Variants in ADGRL2 observed in about 807,000 individuals in gnomAD.
ADGRL2 encodes adhesion G protein-coupled receptor L2.
Under a neutral mutation model 157.4 loss-of-function variants are expected in ADGRL2, and 44 were observed. The observed-to-expected ratio is 0.28, with a 90% CI of 0.22 to 0.36. The LOEUF (loss-of-function observed/expected upper bound fraction) is 0.36, where lower values mean the gene tolerates loss of function less well. Ranked by LOEUF, ADGRL2 falls within the 10% of genes least tolerant of loss-of-function variation. ADGRL2 has a pLI of 1.00. For synonymous variants in ADGRL2, 585 were observed against 624.7 expected, an observed-to-expected ratio of 0.94 and a Z score of 0.95; for missense variants, 1,510 against 1,768.9, an observed-to-expected ratio of 0.85 and a Z score of 2.63.
At chr1:81,719,834 C>G (rs181375872) in intron 1 of ADGRL2, among the ~76,000 whole-genome samples, 50 of 152,164 alleles carry the variant, frequency 3.3e-4, no homozygotes, top group Admixed American at 1.5e-3. Context: ...TTGAACATCT[C>G]CTGCTGATTC....
intron 2 of ADGRL2, among the ~76,000 whole-genome samples, chr1:81,461,842 A>T (rs1029272264): frequency 1.3e-5 from 2 of 151,746 alleles, no homozygotes; most frequent in Admixed American, 1.3e-4. Flanking sequence ...CATGAAATGA[A>T]ACAAATTTAA....
At chr1:81,426,010 G>T (rs1430042698) in intron 1 of ADGRL2, among the ~76,000 whole-genome samples, 1 of 152,090 alleles carries the variant, frequency 6.6e-6, no homozygotes, top group Non-Finnish European at 1.5e-5. Context: ...GGGACTACAG[G>T]CATGCACCAC....
intron 1 of ADGRL2, among the ~76,000 whole-genome samples, chr1:81,333,945 T>C (rs192007392): frequency 7.0e-4 from 106 of 152,282 alleles, no homozygotes; most frequent in Admixed American, 2.5e-3. Flanking sequence ...TATTGGTAAC[T>C]TCATTCAATT....
At chr1:81,406,124 T>G (rs2076850054) in intron 1 of ADGRL2, among the ~76,000 whole-genome samples, 1 of 152,192 alleles carries the variant, frequency 6.6e-6, no homozygotes, top group Non-Finnish European at 1.5e-5. Context: ...AGGTACACTC[T>G]TAGCTGCAGT....
chr1:81,501,698 G>T (rs550217693), intron 2 of ADGRL2: 24 of 1,593,952 alleles, frequency 1.5e-5, no homozygotes, highest in Non-Finnish European at 2.0e-5. Flanking sequence ...CACAGGTTTA[G>T]ACCCAGTGTG....
At chr1:81,368,097 C>T (rs574018722) in intron 1 of ADGRL2, among the ~76,000 whole-genome samples, 9 of 152,244 alleles carry the variant, frequency 5.9e-5, no homozygotes, top group African/African-American at 1.9e-4. Flanking sequence ...TTTGAGGAAT[C>T]GCCACACTGT....
chr1:81,867,807 A>G (rs1055342456), intron 2 of ADGRL2, among the ~76,000 whole-genome samples: 1 of 152,124 alleles, frequency 6.6e-6, no homozygotes, highest in Admixed American at 6.6e-5. Flanking sequence ...TAACTTATCC[A>G]TTTGTGAAGA....
In ADGRL2 at chr1:81,439,697, C is replaced by G. The variant is rs536260598; in HGVS notation, c.-301-5339C>G. On this transcript the variant is annotated intron_variant, in intron 1 of 24. Coordinates refer to the ADGRL2 transcript ENST00000370721. ...CTCCGAAGCCCCAGAGGAGGTTTTA[C>G]AGTGCTCCTTTAGTTGTGCCATTCA... Among the ~76,000 whole-genome samples the G allele has an allele frequency of 3.3e-5, 5 of 152,352 alleles. No individual in the cohort carries two copies. In the East Asian group the frequency reaches 9.7e-4, roughly 29 times the overall value.
intron 8 of ADGRL2, 25 bp from the exon 9 acceptor site, chr1:81,951,932 G>T: frequency 6.5e-7 from 1 of 1,542,338 alleles, no homozygotes; most frequent in South Asian, 1.2e-5. Flanking sequence ...AAATTTAAAT[G>T]AGATAATACA....
rs1657673500 is a variant in ADGRL2, at chr1:81,968,157, C to T, written c.2481C>T (p.His827=). The change falls in exon 14 of 24, where the codon CAC becomes CAT. Residue 827 remains histidine (H), a synonymous_variant. Coordinates refer to ENST00000686636, the MANE Select transcript of ADGRL2 (RefSeq NM_001366006.2). ...NKTRTTCACS[H]LTNFAILMAH... is the part of the protein sequence containing the mutation. ...CTCGAACAACGTGTGCATGCAGCCACCTAACCAATTTTGCAATTCTCATGG... is the reference window on the plus strand; with the variant it reads ...CTCGAACAACGTGTGCATGCAGCCATCTAACCAATTTTGCAATTCTCATGG... 6.2e-7 allele frequency: 1 copy of T among 1,612,734 alleles called. No homozygotes were observed. Among genetic ancestry groups the T allele is most frequent in the African/African-American group, 1.3e-5 (1 of 74,910 alleles).
chr1:81,329,235 A>T (rs1661112666), intron 1 of ADGRL2, among the ~76,000 whole-genome samples: 1 of 152,108 alleles, frequency 6.6e-6, no homozygotes, highest in African/African-American at 2.4e-5. Context: ...AGGGCAAGGG[A>T]GTAAGGGCCT....
intron 11 of ADGRL2, among the ~76,000 whole-genome samples, chr1:81,958,695 G>C (rs1341065640): frequency 6.6e-6 from 1 of 152,130 alleles, no homozygotes; most frequent in Non-Finnish European, 1.5e-5. Flanking sequence ...GTTTGATGGA[G>C]TATGGCAGTT....
At chr1:81,865,981 A>C (rs1052196481) in intron 2 of ADGRL2, among the ~76,000 whole-genome samples, 1 of 152,166 alleles carries the variant, frequency 6.6e-6, no homozygotes, top group Non-Finnish European at 1.5e-5. Flanking sequence ...AGATTAGAAA[A>C]AGGGAGCTAA....
At chr1:81,385,910 T>C (rs2076426293) in intron 1 of ADGRL2, among the ~76,000 whole-genome samples, 1 of 151,974 alleles carries the variant, frequency 6.6e-6, no homozygotes, top group African/African-American at 2.4e-5. Flanking sequence ...AAATGAAAGG[T>C]CTTTAGAAAC....
At chr1:81,976,982 A>C (rs1035407916) in intron 17 of ADGRL2, among the ~76,000 whole-genome samples, 2 of 152,050 alleles carry the variant, frequency 1.3e-5, no homozygotes, top group Middle Eastern at 6.8e-3. Flanking sequence ...GGAAACTTTT[A>C]AATATAGACT....
At chr1:81,376,545 T>G (rs894355107) in intron 1 of ADGRL2, among the ~76,000 whole-genome samples, 12 of 152,104 alleles carry the variant, frequency 7.9e-5, no homozygotes, top group African/African-American at 2.9e-4. Context: ...CCTTCCTTTC[T>G]TCCTCCCTCC....
intron 2 of ADGRL2, among the ~76,000 whole-genome samples, chr1:81,445,956 T>G (rs1304768688): frequency 2.0e-5 from 3 of 151,944 alleles, no homozygotes; most frequent in African/African-American, 4.9e-5. Flanking sequence ...GTCCTCACTT[T>G]ACGGATTGTT....
chr1:81,461,934 G>A (rs1241153511), intron 2 of ADGRL2, among the ~76,000 whole-genome samples: 1 of 143,828 alleles, frequency 7.0e-6, no homozygotes, highest in East Asian at 2.0e-4. Context: ...GAAGAAAGGG[G>A]GGGGGGGGTG....
chr1:81,463,108 A>G (rs1390465273), intron 2 of ADGRL2, among the ~76,000 whole-genome samples: 1 of 118,630 alleles, frequency 8.4e-6, no homozygotes, highest in African/African-American at 3.0e-5. Flanking sequence ...GAGTGAGACC[A>G]TGTCTCAAAA....
Sources: gnomAD v4.1 joint callset for allele counts (sites outside exome capture counted in the v4.1 genomes callset) on GRCh38, gnomAD v4.1.1 for gene constraint, MANE v1.5 for transcripts, NCBI Gene and HGNC (gene_info 2026-07-23, HGNC 2026-07-21) for gene names.